Variants in AFF3 observed in about 807,000 individuals in gnomAD.
AFF3 encodes ALF transcription elongation factor 3, also known as AF4/FMR2 family member 3.
AFF3 carries 32 observed loss-of-function variants against 129.7 expected under a neutral mutation model. The observed-to-expected ratio is 0.25, with a 90% CI of 0.19 to 0.33. The LOEUF (loss-of-function observed/expected upper bound fraction) is 0.33. Among genes scored for constraint, AFF3 ranks in the 10% least tolerant of loss-of-function variants. AFF3 has a pLI of 1.00. For synonymous variants in AFF3, 644 were observed against 635.4 expected, an observed-to-expected ratio of 1.01 and a Z score of -0.20; for missense variants, 1,373 against 1,592.0, an observed-to-expected ratio of 0.86 and a Z score of 2.34.
At chr2:99,994,696 A>G (rs1440071147) in intron 7 of AFF3, among the ~76,000 whole-genome samples, 2 of 152,236 alleles carry the variant, frequency 1.3e-5, no homozygotes, top group African/African-American at 4.8e-5. Context: ...AAGGTATGAA[A>G]GAAAATGATG....
intron 8 of AFF3, among the ~76,000 whole-genome samples, chr2:99,759,579 T>G (rs1682410323): frequency 6.6e-6 from 1 of 152,202 alleles, no homozygotes. Context: ...AGTATTTCCG[T>G]GTGATTTTTC....
intron 11 of AFF3, among the ~76,000 whole-genome samples, chr2:99,687,301 A>G (rs768784946): frequency 6.6e-6 from 1 of 152,208 alleles, no homozygotes; most frequent in Non-Finnish European, 1.5e-5. Context: ...GCACTTCACA[A>G]TTATTTATTT....
In AFF3 at chr2:100,135,983, G is replaced by A. The variant is rs146464067; in HGVS notation, c.-228+6501C>T. ...TAGCTATGGGTTGTGAAGGAAAGAA[G>A]TGAAGGATGGCTTCAAGGTCCTAGG... On this transcript the variant is annotated intron_variant, in intron 1 of 24. Coordinates refer to ENST00000672756, the MANE Select transcript of AFF3 (RefSeq NM_001386135.1). 2.7e-3 allele frequency among the ~76,000 whole-genome samples: 406 copies of A among 152,340 alleles called. 2 individuals are homozygous for A. The highest frequency in any genetic ancestry group is 9.2e-3 in the African/African-American group (383 of 41,588).
chr2:99,653,472 G>A (rs546973546), intron 12 of AFF3, among the ~76,000 whole-genome samples: 4 of 152,328 alleles, frequency 2.6e-5, no homozygotes, highest in Admixed American at 6.5e-5. Context: ...TCTGTGATAC[G>A]GAAACAGCGC....
intron 4 of AFF3, among the ~76,000 whole-genome samples, chr2:100,032,645 T>C (rs79080196): frequency 0.026 from 4,003 of 152,254 alleles, 195 homozygotes; most frequent in African/African-American, 0.092. Flanking sequence ...TTTTTTCACA[T>C]GGTGATCCAA....
At chr2:99,986,565 T>C (rs1679895397) in intron 7 of AFF3, among the ~76,000 whole-genome samples, 1 of 152,332 alleles carries the variant, frequency 6.6e-6, no homozygotes, top group East Asian at 1.9e-4. Flanking sequence ...GTATTATTAG[T>C]ACTATATTTA....
At chr2:99,837,196 A>G (rs1688943690) in intron 8 of AFF3, among the ~76,000 whole-genome samples, 1 of 152,240 alleles carries the variant, frequency 6.6e-6, no homozygotes, top group Admixed American at 6.5e-5. Context: ...GGGCATCCAC[A>G]TGTGAGCACC....
chr2:99,862,506 C>T (rs1691068968), intron 7 of AFF3, among the ~76,000 whole-genome samples: 1 of 152,228 alleles, frequency 6.6e-6, no homozygotes, highest in African/African-American at 2.4e-5. Flanking sequence ...ACAGCCTTAT[C>T]TAATTTTTCA....
chr2:99,671,616 A>G (rs931555828), intron 12 of AFF3, among the ~76,000 whole-genome samples: 3 of 152,148 alleles, frequency 2.0e-5, no homozygotes, highest in African/African-American at 7.2e-5. Context: ...GCATTTCATG[A>G]TACCTTTCTA....
At chr2:99,699,219 G>A (rs1263078471) in intron 11 of AFF3, among the ~76,000 whole-genome samples, 1 of 152,202 alleles carries the variant, frequency 6.6e-6, no homozygotes, top group Non-Finnish European at 1.5e-5. Flanking sequence ...CCTCTGCTCA[G>A]GTGTTGGAAG....
chr2:99,820,022 G>A (rs76593892), intron 8 of AFF3, among the ~76,000 whole-genome samples: 3 of 152,202 alleles, frequency 2.0e-5, no homozygotes, highest in African/African-American at 2.4e-5. Context: ...CCAACATTTC[G>A]AGATGCATTA....
At chr2:99,982,179 T>C (rs928096160) in intron 7 of AFF3, among the ~76,000 whole-genome samples, 6 of 152,180 alleles carry the variant, frequency 3.9e-5, no homozygotes, top group African/African-American at 7.2e-5. Context: ...CCCACCCAAA[T>C]CTCATGTTGT....
intron 7 of AFF3, among the ~76,000 whole-genome samples, chr2:99,878,208 G>A (rs1207107845): frequency 6.6e-6 from 1 of 152,210 alleles, no homozygotes; most frequent in Non-Finnish European, 1.5e-5. Flanking sequence ...TCATCCGTGA[G>A]CTTTGAGTTG....
intron 11 of AFF3, among the ~76,000 whole-genome samples, chr2:99,689,741 G>A (rs1252796159): frequency 6.8e-6 from 1 of 146,156 alleles, no homozygotes; most frequent in Non-Finnish European, 1.5e-5. Flanking sequence ...GTCGATCCAC[G>A]ACTCCAAATG....
At chr2:100,066,110 C>T (rs889889416) in intron 4 of AFF3, among the ~76,000 whole-genome samples, 15 of 152,126 alleles carry the variant, frequency 9.9e-5, no homozygotes, top group Admixed American at 1.3e-4. Flanking sequence ...TAAAAGCCCC[C>T]TCCCCCTGCC....
At chr2:99,677,738 C>T (rs1288260350) in intron 11 of AFF3, among the ~76,000 whole-genome samples, 2 of 152,276 alleles carry the variant, frequency 1.3e-5, no homozygotes, top group East Asian at 3.9e-4. Context: ...CCCTGGAGGA[C>T]CTTTTTCTTT....
intron 4 of AFF3, among the ~76,000 whole-genome samples, chr2:100,036,795 T>A (rs1367932618): frequency 8.2e-6 from 1 of 122,246 alleles, no homozygotes; most frequent in African/African-American, 3.2e-5. Context: ...GGAGAGAAAG[T>A]AGTCAAACAA....
chr2:99,752,965 T>C (rs1034609127), intron 8 of AFF3, among the ~76,000 whole-genome samples: 1 of 152,204 alleles, frequency 6.6e-6, no homozygotes, highest in African/African-American at 2.4e-5. Context: ...GGTTGTTTTA[T>C]TCACTTCCAG....
At chr2:99,938,546 A>G (rs901081270) in intron 7 of AFF3, among the ~76,000 whole-genome samples, 5 of 152,162 alleles carry the variant, frequency 3.3e-5, no homozygotes, top group Admixed American at 2.6e-4. Flanking sequence ...CATTTCTGTG[A>G]AGGCATTTTT....
Sources: allele counts gnomAD v4.1 joint callset (sites outside exome capture counted in the v4.1 genomes callset), GRCh38; gene constraint gnomAD v4.1.1; transcripts MANE v1.5; gene names NCBI Gene and HGNC (gene_info 2026-07-23, HGNC 2026-07-21).